Variants in PPP2R5C observed in about 807,000 individuals in gnomAD.
PPP2R5C encodes serine/threonine-protein phosphatase 2A 56 kDa regulatory subunit gamma isoform.
In PPP2R5C, 7 loss-of-function variants were observed where a neutral mutation model predicts 68.9. The observed-to-expected ratio is 0.10, with a 90% CI of 0.06 to 0.19. The LOEUF (loss-of-function observed/expected upper bound fraction) is 0.19. Among genes scored for constraint, PPP2R5C ranks in the 10% least tolerant of loss-of-function variants. PPP2R5C has a pLI of 1.00. For synonymous variants in PPP2R5C, 210 were observed against 222.2 expected (o/e 0.95, Z 0.49); for missense variants, 348 against 641.3 (o/e 0.54, Z 4.94).
chr14:101,898,696 G>A (rs1379005332), intron 8 of PPP2R5C, among the ~76,000 whole-genome samples: 1 of 152,058 alleles, frequency 6.6e-6, no homozygotes, highest in East Asian at 1.9e-4. Flanking sequence ...TCCCACCCGG[G>A]GACACTTCAT....
In PPP2R5C at chr14:101,781,379, G is replaced by C. The variant is rs2037679354; in HGVS notation, c.94-4639G>C. Among the ~76,000 whole-genome samples, 1 of 152,176 alleles carries C rather than the reference G, an allele frequency of 6.6e-6. No individual in the cohort carries two copies. Among genetic ancestry groups the C allele is most frequent in the Admixed American group, 6.5e-5 (1 of 15,292 alleles). Reference sequence around the variant, plus strand: ...TGGCACAGCGACCTTGGCGGCTTTGGCCCCTGAGCCGCTAGGCTGCCAAGG... The same window carrying C: ...TGGCACAGCGACCTTGGCGGCTTTGCCCCCTGAGCCGCTAGGCTGCCAAGG... On this transcript the variant is annotated intron_variant, in intron 2 of 14. Coordinates refer to the PPP2R5C transcript ENST00000328724. The surrounding 1 kb of genome is among the most constrained non-coding windows in gnomAD (Gnocchi z 6.4).
chr14:101,842,128 C>T lies in PPP2R5C; in HGVS notation c.95-14558C>T, dbSNP rs534858234. On this transcript the variant is annotated intron_variant, in intron 1 of 13. Coordinates refer to ENST00000334743, the Ensembl canonical transcript of PPP2R5C. Reference sequence around the variant, plus strand: ...CTGTCTTTCAACACTTACCCAAACACTAGAATGTTACTCATTTCCATGAAT... The same window carrying T: ...CTGTCTTTCAACACTTACCCAAACATTAGAATGTTACTCATTTCCATGAAT... Among the ~76,000 whole-genome samples, 46 of 152,298 alleles carry T rather than the reference C, an allele frequency of 3.0e-4. 1 individual carries two copies. Among genetic ancestry groups the T allele is most frequent in the African/African-American group, 9.6e-4 (40 of 41,562 alleles).
intron 1 of PPP2R5C, among the ~76,000 whole-genome samples, chr14:101,847,483 C>T (rs550464443): frequency 1.6e-4 from 25 of 152,210 alleles, no homozygotes; most frequent in African/African-American, 6.0e-4. Context: ...AGCCTTCATC[C>T]GCATGTCTCC....
chr14:101,820,404 C>T (rs2039979092), intron 1 of PPP2R5C: 1 of 152,212 alleles, frequency 6.6e-6, no homozygotes, highest in African/African-American at 2.4e-5. Context: ...GCAGTGTGTT[C>T]TCAGTGACCA....
chr14:101,880,740 T>G (rs568159301), intron 2 of PPP2R5C, among the ~76,000 whole-genome samples: 1 of 152,036 alleles, frequency 6.6e-6, no homozygotes, highest in South Asian at 2.1e-4. Flanking sequence ...GAGGCTGCAG[T>G]GAGCGATGAT....
intron 11 of PPP2R5C, among the ~76,000 whole-genome samples, chr14:101,911,102 CAA>C (rs11405783): frequency 5.5e-5 from 7 of 127,128 alleles, no homozygotes; most frequent in Non-Finnish European, 5.0e-5. Context: ...GACTCCGTCT[CAA>C]AAAAAAAAAA....
At chr14:101,911,102 CAAAA>C (rs11405783) in intron 11 of PPP2R5C, among the ~76,000 whole-genome samples, 4 of 127,172 alleles carry the variant, frequency 3.1e-5, no homozygotes, top group Admixed American at 7.8e-5. Flanking sequence ...GACTCCGTCT[CAAAA>C]AAAAAAAAAA....
intron 2 of PPP2R5C, among the ~76,000 whole-genome samples, chr14:101,780,024 G>A (rs2037599861): frequency 6.6e-6 from 1 of 152,160 alleles, no homozygotes; most frequent in Non-Finnish European, 1.5e-5. Flanking sequence ...AACCCATCTT[G>A]TCTTATCCAG....
chr14:101,826,019 A>G (rs1182493950), intron 1 of PPP2R5C, among the ~76,000 whole-genome samples: 1 of 152,252 alleles, frequency 6.6e-6, no homozygotes, highest in African/African-American at 2.4e-5. Context: ...CACAGCTGTC[A>G]CAGCAAAGTC....
chr14:101,794,164 A>T (rs2038501177), intron 3 of PPP2R5C, among the ~76,000 whole-genome samples: 1 of 152,184 alleles, frequency 6.6e-6, no homozygotes, highest in Non-Finnish European at 1.5e-5. Context: ...CTCACAAGGG[A>T]CGTGCCCTCT....
At chr14:101,924,443 A>ATTTTTTTTTTTTTTTTTTTTT (rs2047175999) in intron 13 of PPP2R5C, among the ~76,000 whole-genome samples, 4 of 56,854 alleles carry the variant, frequency 7.0e-5, no homozygotes, top group African/African-American at 1.3e-4. Context: ...AAATTTCTAC[A>ATTTTTTTTTTTTTTTTTTTTT]TCTTTTTTTT....
At chr14:101,804,713 G>A (rs1757218649) in intron 3 of PPP2R5C, among the ~76,000 whole-genome samples, 1 of 152,178 alleles carries the variant, frequency 6.6e-6, no homozygotes, top group South Asian at 2.1e-4. Flanking sequence ...GGTTACCAGA[G>A]ACTGGGAAGG....
At chr14:101,850,558 C>T (rs1161164100) in intron 1 of PPP2R5C, among the ~76,000 whole-genome samples, 1 of 152,104 alleles carries the variant, frequency 6.6e-6, no homozygotes, top group Non-Finnish European at 1.5e-5. Flanking sequence ...AAGTTCTCCC[C>T]AGATCTGTAT....
At chr14:101,805,585 T>G (rs2039042417), upstream of PPP2R5C, among the ~76,000 whole-genome samples, 1 of 152,208 alleles carries the variant, frequency 6.6e-6, no homozygotes, top group Non-Finnish European at 1.5e-5. Flanking sequence ...AACAGAGGCA[T>G]GAGCAGATAC....
intron 8 of PPP2R5C, among the ~76,000 whole-genome samples, chr14:101,901,439 C>A (rs889452477): frequency 1.4e-4 from 21 of 152,162 alleles, no homozygotes; most frequent in Admixed American, 1.2e-3. Flanking sequence ...AGAGGAGGAT[C>A]ACTTGAGCCA....
chr14:101,912,973 C>T (rs1276800897), intron 12 of PPP2R5C, among the ~76,000 whole-genome samples: 2 of 152,236 alleles, frequency 1.3e-5, no homozygotes, highest in Non-Finnish European at 2.9e-5. Flanking sequence ...AGCAGCCAAC[C>T]CTCCTTCCCA....
At chr14:101,769,529 T>A (rs575925346) in intron 2 of PPP2R5C, among the ~76,000 whole-genome samples, 1 of 152,358 alleles carries the variant, frequency 6.6e-6, no homozygotes, top group Admixed American at 6.5e-5. Flanking sequence ...AGAGGCTTAT[T>A]TATCACTTTT....
chr14:101,800,238 C>T (rs2038799315), intron 3 of PPP2R5C, among the ~76,000 whole-genome samples: 1 of 152,096 alleles, frequency 6.6e-6, no homozygotes, highest in Non-Finnish European at 1.5e-5. Flanking sequence ...GAGTGAGACC[C>T]TGTCTCAAAA....
rs545106534 is a variant in PPP2R5C, at chr14:101,907,959, G to A, written c.1151+1430G>A. On this transcript the variant is annotated intron_variant, in intron 10 of 13. Transcript: ENST00000334743. ...TCCACTCGCGTCAAGTCTTCTGAGG[G>A]TTGCCGCCCAGAAATTCAACAGAGA... Among the ~76,000 whole-genome samples the A allele has an allele frequency of 3.9e-5, 6 of 152,300 alleles. No homozygotes were observed. The East Asian group carries it at 1.2e-3, about 29-fold the overall frequency.
Sources: gnomAD v4.1 joint callset for allele counts (sites outside exome capture counted in the v4.1 genomes callset) on GRCh38, gnomAD v4.1.1 for gene constraint, Gnocchi (gnomAD v3.1) non-coding constraint, MANE v1.5 for transcripts, NCBI Gene and HGNC (gene_info 2026-07-23, HGNC 2026-07-21) for gene names.